The following ASIP variants were observed in gnomAD, a reference collection of about 807,000 sequenced individuals.
ASIP encodes agouti-signaling protein.
A neutral mutation model predicts 10.3 loss-of-function variants in ASIP; 11 were observed. The observed-to-expected ratio is 1.07, with a 90% CI of 0.68 to 1.78. The LOEUF (loss-of-function observed/expected upper bound fraction) is 1.78, where lower values mean the gene tolerates loss of function less well. Among genes scored for constraint, ASIP ranks in the 40% most tolerant of loss-of-function variants. The probability of loss-of-function intolerance (pLI) is 0.00; values close to 1 mark genes in which losing one functional copy is unlikely to be tolerated. For synonymous variants in ASIP, 70 were observed against 70.8 expected (o/e 0.99, Z 0.06); for missense variants, 180 against 169.2 (o/e 1.06, Z -0.35).
upstream of ASIP, among the ~76,000 whole-genome samples, chr20:34,240,044 A>C (rs1044183762): frequency 3.3e-5 from 5 of 152,238 alleles, no homozygotes; most frequent in African/African-American, 1.2e-4. Context: ...GGTGGTCTTC[A>C]GTGTGTCTGA....
At chr20:34,240,567 C>T (rs2122603048), upstream of ASIP, among the ~76,000 whole-genome samples, 1 of 152,264 alleles carries the variant, frequency 6.6e-6, no homozygotes, top group African/African-American at 2.4e-5. Flanking sequence ...AAAAAAAGGT[C>T]CCAAAGAGAT....
upstream of ASIP, chr20:34,241,369 T>C (rs1209452737): frequency 5.0e-6 from 4 of 794,370 alleles, no homozygotes; most frequent in East Asian, 2.5e-4. Flanking sequence ...AATAATTTTG[T>C]AGTATGATTG....
chr20:34,205,090 C>T (rs1304288207), intron 1 of ASIP, among the ~76,000 whole-genome samples: 4 of 152,200 alleles, frequency 2.6e-5, no homozygotes, highest in Admixed American at 1.3e-4. Flanking sequence ...TTCTTGGTCT[C>T]GCTGACTTCA....
chr20:34,237,792 A>C (rs1352321116), upstream of ASIP, among the ~76,000 whole-genome samples: 1 of 152,024 alleles, frequency 6.6e-6, no homozygotes, highest in Non-Finnish European at 1.5e-5. Flanking sequence ...TGGGTTTTTC[A>C]TATATGGCTT....
rs564562346 is a variant in ASIP, at chr20:34,199,179, A to G, written c.-11+4419A>G. Among the ~76,000 whole-genome samples the G allele has an allele frequency of 3.7e-4, 57 of 152,302 alleles. 1 individual carries two copies. The South Asian group carries it at 0.012, about 31-fold the overall frequency. Reference sequence around the variant, plus strand: ...CCATTTGTTTATCCATAATTTATTTATCTACAATTTACATGGATAAATGCC... The same window carrying G: ...CCATTTGTTTATCCATAATTTATTTGTCTACAATTTACATGGATAAATGCC... On this transcript the variant is annotated intron_variant, in intron 1 of 3. Coordinates refer to the ASIP transcript ENST00000568305.
chr20:34,234,462 T>C (rs2035151339), intron 1 of ASIP, among the ~76,000 whole-genome samples: 1 of 152,102 alleles, frequency 6.6e-6, no homozygotes, highest in Non-Finnish European at 1.5e-5. Flanking sequence ...CGCTATCAGC[T>C]TTCTTTCTTT....
chr20:34,196,281 G>A (rs2034856450), intron 1 of ASIP, among the ~76,000 whole-genome samples: 1 of 142,668 alleles, frequency 7.0e-6, no homozygotes, highest in Non-Finnish European at 1.5e-5. Context: ...CCGGGTTCAC[G>A]CCATTCTCCT....
Position 34,269,122 on chromosome 20 carries a change from C to T in ASIP, c.354C>T (p.Phe118=). ...CDPCASCQCR[F]FRSACSCRVL... is the part of the protein sequence containing the mutation. ...CGTGCGCCTCCTGCCAGTGCCGCTTCTTCCGCAGCGCCTGCTCCTGCCGCG... is the reference window on the plus strand; with the variant it reads ...CGTGCGCCTCCTGCCAGTGCCGCTTTTTCCGCAGCGCCTGCTCCTGCCGCG... Residue 118 remains phenylalanine (F), a synonymous_variant, in exon 4 of 4, where the codon TTC becomes TTT. Coordinates refer to ENST00000374954, the MANE Select transcript of ASIP (RefSeq NM_001672.3). The T allele has an allele frequency of 2.6e-6, 4 of 1,558,318 alleles. No individual in the cohort carries two copies. Among genetic ancestry groups the T allele is most frequent in the Non-Finnish European group, 3.5e-6 (4 of 1,151,658 alleles).
At chr20:34,252,489 C>T (rs2035493197) in intron 1 of ASIP, among the ~76,000 whole-genome samples, 1 of 152,150 alleles carries the variant, frequency 6.6e-6, no homozygotes, top group Non-Finnish European at 1.5e-5. Context: ...AGTAACAGAG[C>T]AGTATTGTTG....
At chr20:34,190,992 G>A (rs899647204), upstream of ASIP, among the ~76,000 whole-genome samples, 21 of 152,184 alleles carry the variant, frequency 1.4e-4, no homozygotes, top group Admixed American at 1.3e-3. Context: ...TCACAGAGCA[G>A]CATGCACCCC....
chr20:34,226,157 CA>C (rs2035091631), intron 1 of ASIP, among the ~76,000 whole-genome samples: 1 of 152,104 alleles, frequency 6.6e-6, no homozygotes. Context: ...CTTGGCTTCC[CA>C]AAGTGCTGGA....
chr20:34,245,579 C>T (rs1251859936), intron 1 of ASIP, among the ~76,000 whole-genome samples: 3 of 151,184 alleles, frequency 2.0e-5, no homozygotes, highest in Non-Finnish European at 4.4e-5. Context: ...TTGGTAGAGA[C>T]GGGGTTTCAC....
chr20:34,194,415 G>C (rs144418831), upstream of ASIP, among the ~76,000 whole-genome samples: 60 of 151,638 alleles, frequency 4.0e-4, no homozygotes, highest in Admixed American at 1.4e-3. Context: ...AAACACCCTT[G>C]AGGTGTTTTT....
chr20:34,215,237 A>G lies in ASIP; in HGVS notation c.-11+20477A>G, dbSNP rs150972928. 6.9e-3 allele frequency: 10,908 copies of G among 1,573,978 alleles called. 82 individuals carry two copies. Among genetic ancestry groups the G allele is most frequent in the Middle Eastern group, 0.046 (255 of 5,554 alleles). ...ATAAACCTATCATTGGCTAAAAGGG[A>G]TAAGTCAATCCAAGAGACATAAGCC... On this transcript the variant is annotated intron_variant, in intron 1 of 3. Coordinates refer to the ASIP transcript ENST00000568305.
At chr20:34,243,026 TA>T (rs2122608858) in intron 1 of ASIP, among the ~76,000 whole-genome samples, 1 of 152,372 alleles carries the variant, frequency 6.6e-6, no homozygotes, top group African/African-American at 2.4e-5. Flanking sequence ...TCAGGAGATC[TA>T]AAACAATCAT....
At chr20:34,217,852 C>CG (rs2035020532) in intron 1 of ASIP, among the ~76,000 whole-genome samples, 2 of 152,214 alleles carry the variant, frequency 1.3e-5, no homozygotes, top group Non-Finnish European at 1.5e-5. Context: ...CGTGAGCCAC[C>CG]GCGCCCAGCC....
rs2035845738 is a variant in ASIP at position 34,269,216 on chromosome 20, C to T, written c.*49C>T. 1.4e-6 allele frequency: 2 copies of T among 1,439,048 alleles called. No homozygotes were observed. Among genetic ancestry groups the T allele is most frequent in the Non-Finnish European group, 1.8e-6 (2 of 1,100,006 alleles). The allele number at this position is 1,439,048 out of a possible 1,614,324, so 89.1% of individuals were successfully genotyped here. A position where few individuals can be genotyped will look rare whatever the true frequency, so the allele number is the denominator to read the frequency against. On this transcript the variant is annotated 3_prime_UTR_variant, in exon 4 of 4. Transcript: ENST00000374954. Reference sequence around the variant, plus strand: ...CAGGCAGGGCTTCGGGGACGCGGGGCGCTTCTCGGGCGGGTGATCCCTAAC... The same window carrying T: ...CAGGCAGGGCTTCGGGGACGCGGGGTGCTTCTCGGGCGGGTGATCCCTAAC...
rs375347392 is a variant in ASIP, at chr20:34,224,411, C to T, written c.-11+29651C>T. Among the ~76,000 whole-genome samples, 10 of 151,222 alleles carry T rather than the reference C, an allele frequency of 6.6e-5. No individual in the cohort carries two copies. In the South Asian group the frequency reaches 1.3e-3, roughly 19 times the overall value. On this transcript the variant is annotated intron_variant, in intron 1 of 3. Transcript: ENST00000568305. ...ATTGAAAGCCATTCTGCACCACTGGCCATACAGAAGGAATCTCATATTCCA... is the reference window on the plus strand; with the variant it reads ...ATTGAAAGCCATTCTGCACCACTGGTCATACAGAAGGAATCTCATATTCCA...
chr20:34,235,832 A>AAGGAAGGAAGGAAG (rs2035179901), intron 1 of ASIP, among the ~76,000 whole-genome samples: 1 of 67,444 alleles, frequency 1.5e-5, no homozygotes, highest in African/African-American at 1.5e-4. Context: ...AAAGAAAGAA[A>AAGGAAGGAAGGAAG]GAAAGAAAGA....
Sources: gnomAD v4.1 joint callset for allele counts (sites outside exome capture counted in the v4.1 genomes callset) on GRCh38, gnomAD v4.1.1 for gene constraint, MANE v1.5 for transcripts, NCBI Gene and HGNC (gene_info 2026-07-23, HGNC 2026-07-21) for gene names.